Variants in TAS2R1 observed in about 807,000 individuals in gnomAD.
TAS2R1 encodes the protein taste 2 receptor member 1.
For synonymous variants in TAS2R1, 141 were observed against 134.2 expected (o/e 1.05, Z -0.35); for missense variants, 370 against 353.4 (o/e 1.05, Z -0.38).
intron 1 of TAS2R1, among the ~76,000 whole-genome samples, chr5:9,711,025 C>T (rs200203186): frequency 2.0e-4 from 29 of 148,678 alleles, no homozygotes; most frequent in East Asian, 1.9e-3. Flanking sequence ...TGTCAGAATG[C>T]GGAGAATAGA....
At chr5:9,742,038 C>T in the TAS2R1 span, among the ~76,000 whole-genome samples, 6 of 151,934 alleles carry the variant, frequency 3.9e-5, no homozygotes, top group Non-Finnish European at 5.9e-5. Flanking sequence ...TGGGATTACA[C>T]GCATGCACCA....
chr5:9,870,360 T>C, the TAS2R1 span: 3 of 152,246 alleles, frequency 2.0e-5, no homozygotes, highest in African/African-American at 7.2e-5. Flanking sequence ...CCGGCATTCT[T>C]ATAAAATATC....
chr5:9,893,581 A>G, the TAS2R1 span, among the ~76,000 whole-genome samples: 4 of 151,984 alleles, frequency 2.6e-5, no homozygotes, highest in African/African-American at 9.7e-5. Context: ...TTTTTTACTG[A>G]AAAAGTAATA....
At chr5:9,890,349 C>A in the TAS2R1 span, among the ~76,000 whole-genome samples, 1 of 152,182 alleles carries the variant, frequency 6.6e-6, no homozygotes, top group Non-Finnish European at 1.5e-5. Flanking sequence ...TGCTCTAACA[C>A]TTAACCCTGA....
the TAS2R1 span, among the ~76,000 whole-genome samples, chr5:9,863,540 C>T: frequency 1.4e-3 from 216 of 152,136 alleles, 1 homozygote; most frequent in Non-Finnish European, 2.5e-3. Context: ...GTTTGGATTA[C>T]GGGCGTGAGC....
intron 1 of TAS2R1, among the ~76,000 whole-genome samples, chr5:9,682,115 T>G (rs1279245787): frequency 6.6e-6 from 1 of 152,200 alleles, no homozygotes; most frequent in African/African-American, 2.4e-5. Context: ...GAAGGACACA[T>G]TAAATGAGAG....
the TAS2R1 span, among the ~76,000 whole-genome samples, chr5:9,718,247 G>A: frequency 1.3e-5 from 2 of 151,926 alleles, no homozygotes; most frequent in Non-Finnish European, 2.9e-5. Flanking sequence ...GGGATTACAG[G>A]CGTGAGCCAC....
At chr5:9,792,745 C>A in the TAS2R1 span, among the ~76,000 whole-genome samples, 1 of 152,204 alleles carries the variant, frequency 6.6e-6, no homozygotes, top group East Asian at 1.9e-4. Flanking sequence ...GAAAAAAGAT[C>A]TATATATGAA....
chr5:9,705,145 C>G (rs531679195), intron 1 of TAS2R1, among the ~76,000 whole-genome samples: 2 of 152,044 alleles, frequency 1.3e-5, no homozygotes, highest in Non-Finnish European at 2.9e-5. Context: ...AAAAAAAATC[C>G]CACAACAATT....
At chr5:9,819,674 T>C in the TAS2R1 span, among the ~76,000 whole-genome samples, 1 of 152,156 alleles carries the variant, frequency 6.6e-6, no homozygotes, top group African/African-American at 2.4e-5. Flanking sequence ...TAGATACGGA[T>C]GGGTGCGGCA....
At chr5:9,657,393 T>A (rs1199169884) in intron 2 of TAS2R1, among the ~76,000 whole-genome samples, 1 of 152,216 alleles carries the variant, frequency 6.6e-6, no homozygotes, top group Non-Finnish European at 1.5e-5. Flanking sequence ...CCTTAAGCGT[T>A]TCATTTGCTG....
chr5:9,901,458 A>G, the TAS2R1 span, among the ~76,000 whole-genome samples: 2 of 152,038 alleles, frequency 1.3e-5, no homozygotes, highest in Non-Finnish European at 2.9e-5. Context: ...GCCAGAGGGG[A>G]CAGTAGAAGC....
At chr5:9,643,498 G>A (rs1389065467) in intron 2 of TAS2R1, among the ~76,000 whole-genome samples, 1 of 152,140 alleles carries the variant, frequency 6.6e-6, no homozygotes, top group African/African-American at 2.4e-5. Flanking sequence ...GGGTAAGTCA[G>A]TGAGTGAGAG....
At chr5:9,803,117 A>T in the TAS2R1 span, among the ~76,000 whole-genome samples, 1 of 152,340 alleles carries the variant, frequency 6.6e-6, no homozygotes, top group Non-Finnish European at 1.5e-5. Flanking sequence ...AAGTCTAAGC[A>T]ATAGAATTGA....
the TAS2R1 span, among the ~76,000 whole-genome samples, chr5:9,796,728 A>AAAAAAAAAAAAGAAAAG: frequency 1.0e-5 from 1 of 96,126 alleles, no homozygotes; most frequent in Admixed American, 9.7e-5. Context: ...CTGGAAAAAA[A>AAAAAAAAAAAAGAAAAG]AAAAAAAAAA....
chr5:9,825,558 TCAA>T, the TAS2R1 span, among the ~76,000 whole-genome samples: 1 of 152,196 alleles, frequency 6.6e-6, no homozygotes, highest in East Asian at 1.9e-4. Flanking sequence ...GAACTTTCTC[TCAA>T]CAACTAGACT....
At chr5:9,866,608 T>C in the TAS2R1 span, among the ~76,000 whole-genome samples, 1 of 152,206 alleles carries the variant, frequency 6.6e-6, no homozygotes, top group African/African-American at 2.4e-5. Flanking sequence ...ATGTTTCCAG[T>C]TCACCCTTAC....
chr5:9,704,122 C>T (rs1741551070), intron 1 of TAS2R1, among the ~76,000 whole-genome samples: 1 of 152,124 alleles, frequency 6.6e-6, no homozygotes, highest in South Asian at 2.1e-4. Flanking sequence ...AATTCAGGGA[C>T]AAGAACTGAG....
At chr5:9,729,051 C>T in the TAS2R1 span, among the ~76,000 whole-genome samples, 1 of 152,196 alleles carries the variant, frequency 6.6e-6, no homozygotes, top group African/African-American at 2.4e-5. Context: ...CACAGATGTG[C>T]TTCCACCTCT....
Sources: allele counts gnomAD v4.1 joint callset (sites outside exome capture counted in the v4.1 genomes callset), GRCh38; gene constraint gnomAD v4.1.1; transcripts MANE v1.5; gene names NCBI Gene and HGNC (gene_info 2026-07-23, HGNC 2026-07-21).